C1QTNF3: variants seen among roughly 807,000 people sequenced by gnomAD.
C1QTNF3 encodes C1q and TNF related 3.
In C1QTNF3, 26 loss-of-function variants were observed where a neutral mutation model predicts 32.6. That is an observed-to-expected ratio of 0.80 (90% CI 0.58 to 1.11). C1QTNF3 has a LOEUF of 1.11. C1QTNF3 is among the 50% of genes least tolerant of loss of function. The pLI, the probability that C1QTNF3 is intolerant of heterozygous loss-of-function variation, is 0.00. For synonymous variants in C1QTNF3, 155 were observed against 146.0 expected (o/e 1.06, Z -0.44); for missense variants, 362 against 398.2 (o/e 0.91, Z 0.77).
the C1QTNF3 span, among the ~76,000 whole-genome samples, chr5:34,058,986 A>C: frequency 6.6e-6 from 1 of 152,214 alleles, no homozygotes; most frequent in Non-Finnish European, 1.5e-5. Context: ...AATTACAGCC[A>C]CATAAAAAGT....
chr5:34,198,274 A>G, the C1QTNF3 span, among the ~76,000 whole-genome samples: 13 of 131,412 alleles, frequency 9.9e-5, 1 homozygote, highest in African/African-American at 1.5e-4. Flanking sequence ...AAAAATAAAA[A>G]TAAAAAATAA....
the C1QTNF3 span, among the ~76,000 whole-genome samples, chr5:34,141,457 T>C: frequency 6.6e-6 from 1 of 152,106 alleles, no homozygotes; most frequent in Non-Finnish European, 1.5e-5. Context: ...GAAGAACCTG[T>C]TTCATGCTTT....
At chr5:34,157,329 T>TTA in the C1QTNF3 span, among the ~76,000 whole-genome samples, 3 of 152,216 alleles carry the variant, frequency 2.0e-5, no homozygotes, top group Non-Finnish European at 4.4e-5. Context: ...TAATCAAGTT[T>TTA]TATGACTCTC....
At position 34,019,642 on chromosome 5, in the gene C1QTNF3, T is replaced by C. The variant is rs1042448864; in HGVS notation, c.*941A>G. ...AAATATTTTCACTTTCTGTTAACCA[T>C]AGTGATTTACAATTCTATGACTATT... On this transcript the variant is annotated 3_prime_UTR_variant, in exon 6 of 6. Coordinates refer to ENST00000382065, the MANE Select transcript of C1QTNF3 (RefSeq NM_181435.6). 9 of 152,240 alleles carry C rather than the reference T, an allele frequency of 5.9e-5. No individual in the cohort carries two copies. Among genetic ancestry groups the C allele is most frequent in the African/African-American group, 1.7e-4 (7 of 41,464 alleles). The allele number at this position is 152,240 out of a possible 1,614,324, so 9.4% of individuals were successfully genotyped here.
chr5:34,214,200 G>A, the C1QTNF3 span, among the ~76,000 whole-genome samples: 166 of 151,836 alleles, frequency 1.1e-3, 1 homozygote, highest in African/African-American at 3.6e-3. Context: ...GTAAAGCAAC[G>A]GAAAAAGCAA....
At chr5:34,121,801 A>T in the C1QTNF3 span, among the ~76,000 whole-genome samples, 1 of 152,202 alleles carries the variant, frequency 6.6e-6, no homozygotes, top group Non-Finnish European at 1.5e-5. Flanking sequence ...GGCTTTTGGA[A>T]AATGATTAGG....
intron 3 of C1QTNF3, among the ~76,000 whole-genome samples, chr5:34,031,818 CACAAA>C (rs376178461): frequency 2.0e-5 from 3 of 152,128 alleles, no homozygotes; most frequent in African/African-American, 7.2e-5. Context: ...TGCACACACA[CACAAA>C]ACAAAACAAA....
At chr5:34,036,191 T>C (rs201525977) in intron 1 of C1QTNF3, among the ~76,000 whole-genome samples, 1 of 152,208 alleles carries the variant, frequency 6.6e-6, no homozygotes, top group Admixed American at 6.5e-5. Flanking sequence ...CTTTAAGCAC[T>C]GTTTTTAAAT....
At chr5:34,167,799 A>G in the C1QTNF3 span, 1 of 152,236 alleles carries the variant, frequency 6.6e-6, no homozygotes, top group African/African-American at 2.4e-5. Context: ...GATAGGTAAT[A>G]AAGTATGTGT....
the C1QTNF3 span, among the ~76,000 whole-genome samples, chr5:34,216,026 C>G: frequency 6.6e-6 from 1 of 152,182 alleles, no homozygotes. Context: ...CACACAGATT[C>G]CCTCTTGTTC....
chr5:34,072,409 G>A, the C1QTNF3 span, among the ~76,000 whole-genome samples: 1 of 151,622 alleles, frequency 6.6e-6, no homozygotes, highest in African/African-American at 2.4e-5. Context: ...AAGAAAGAAA[G>A]AAAGAAAGAA....
chr5:34,023,868 T>C, intron 5 of C1QTNF3, 41 bp downstream of exon 5: 1 of 1,515,834 alleles, frequency 6.6e-7, no homozygotes, highest in Non-Finnish European at 9.2e-7. Context: ...GAACAAACAA[T>C]GGCAGCATGG....
chr5:34,122,225 GA>G, the C1QTNF3 span, among the ~76,000 whole-genome samples: 2 of 152,140 alleles, frequency 1.3e-5, no homozygotes, highest in Non-Finnish European at 2.9e-5. Context: ...ACACAGCTCT[GA>G]AAGGATCTTT....
chr5:34,161,655 A>G, the C1QTNF3 span, among the ~76,000 whole-genome samples: 2 of 152,170 alleles, frequency 1.3e-5, no homozygotes, highest in Non-Finnish European at 2.9e-5. Flanking sequence ...TGTCCATTGG[A>G]CTTTTGACAG....
chr5:34,147,774 T>C, the C1QTNF3 span, among the ~76,000 whole-genome samples: 4 of 152,114 alleles, frequency 2.6e-5, no homozygotes, highest in African/African-American at 9.7e-5. Context: ...ACACAACAGA[T>C]TCGTGTAACA....
chr5:34,044,325 C>G (rs899932629), upstream of C1QTNF3, among the ~76,000 whole-genome samples: 1 of 152,170 alleles, frequency 6.6e-6, no homozygotes, highest in South Asian at 2.1e-4. Context: ...CATTCACTCG[C>G]TTAAGAAAAT....
At chr5:34,196,846 G>C in the C1QTNF3 span, among the ~76,000 whole-genome samples, 3 of 152,266 alleles carry the variant, frequency 2.0e-5, no homozygotes, top group Admixed American at 6.5e-5. Context: ...ATTTTTAATA[G>C]AGATGGGGTT....
the C1QTNF3 span, among the ~76,000 whole-genome samples, chr5:34,239,783 G>C: frequency 6.6e-6 from 1 of 151,886 alleles, no homozygotes; most frequent in South Asian, 2.1e-4. Context: ...TGACCATTTG[G>C]ACCTAATAAG....
the C1QTNF3 span, among the ~76,000 whole-genome samples, chr5:34,080,498 A>G: frequency 6.6e-6 from 1 of 151,814 alleles, no homozygotes; most frequent in Admixed American, 6.6e-5. Context: ...TTTCCCATAG[A>G]AAAACACTTT....
Sources: gnomAD v4.1 joint callset for allele counts (sites outside exome capture counted in the v4.1 genomes callset) on GRCh38, gnomAD v4.1.1 for gene constraint, MANE v1.5 for transcripts, NCBI Gene and HGNC (gene_info 2026-07-23, HGNC 2026-07-21) for gene names.